The following PLXNB2 variants were observed in gnomAD, a reference collection of about 807,000 sequenced individuals.
PLXNB2 encodes plexin-B2.
PLXNB2 carries 85 observed loss-of-function variants against 202.6 expected under a neutral mutation model. The ratio of observed to expected loss-of-function variants is 0.42; its 90% CI spans 0.35 to 0.50. PLXNB2 has a LOEUF of 0.50. Ranked by LOEUF, PLXNB2 falls within the 20% of genes least tolerant of loss-of-function variation. The probability of loss-of-function intolerance (pLI) is 0.02; values close to 1 mark genes in which losing one functional copy is unlikely to be tolerated. For missense variants in PLXNB2, 2,063 were observed against 2,586.2 expected (o/e 0.80, Z 4.39); for synonymous variants, 1,239 against 1,137.6 (o/e 1.09, Z -1.79).
rs2066253127 is a variant in PLXNB2, at chr22:50,284,267, G to A, written c.2182-54C>T. On this transcript the variant is annotated intron_variant, in intron 12 of 36. Transcript: ENST00000359337. The surrounding 1 kb of genome is among the most constrained non-coding windows in gnomAD (Gnocchi z 8.0). Reference sequence around the variant, plus strand: ...TTCCTGCCCCCACAGAGGGGCGTGGGGCGGGGGTCACAAGGGCAGCCTCCC... The same window carrying A: ...TTCCTGCCCCCACAGAGGGGCGTGGAGCGGGGGTCACAAGGGCAGCCTCCC... The A allele has an allele frequency of 1.3e-6, 2 of 1,523,548 alleles. No homozygotes were observed. Among genetic ancestry groups the A allele is most frequent in the East Asian group, 2.3e-5 (1 of 44,442 alleles). The allele number at this position is 1,523,548 out of a possible 1,614,324, so 94.4% of individuals were successfully genotyped here. A position where few individuals can be genotyped will look rare whatever the true frequency, so the allele number is the denominator to read the frequency against.
At position 50,307,249 on chromosome 22, in the gene PLXNB2, C is replaced by A. The variant is rs931848740; in HGVS notation, c.-74+304G>T. ...TCTCCGCTCGGCGCACGGAGCTCGG[C>A]GGCTGAAGAGTGAGAGGCAGGCGCG... On this transcript the variant is annotated intron_variant, in intron 1 of 36. Coordinates refer to ENST00000359337, the MANE Select transcript of PLXNB2 (RefSeq NM_012401.4). Among the ~76,000 whole-genome samples, 46 of 152,150 alleles carry A rather than the reference C, an allele frequency of 3.0e-4. 1 individual carries two copies. Among genetic ancestry groups the A allele is most frequent in the African/African-American group, 1.1e-3 (45 of 41,546 alleles).
Position 50,307,641 on chromosome 22 carries a change from T to G in PLXNB2, c.-162A>C. ...CGCTGCTGCCATGGAGACGGGGCCTTTGTGTGGCCGAGGAGGGGCCGGAGC... is the reference window on the plus strand; with the variant it reads ...CGCTGCTGCCATGGAGACGGGGCCTGTGTGTGGCCGAGGAGGGGCCGGAGC... On this transcript the variant is annotated 5_prime_UTR_variant, in exon 1 of 37. Transcript: ENST00000359337. The G allele has an allele frequency of 1.0e-6, 1 of 979,378 alleles. No individual in the cohort carries two copies. The highest frequency in any genetic ancestry group is 1.2e-6 in the Non-Finnish European group (1 of 827,570). 60.7% of individuals were successfully genotyped at this position (979,378 alleles called of 1,614,324 possible).
At chr22:50,304,596 G>A (rs548948287) in intron 1 of PLXNB2, among the ~76,000 whole-genome samples, 4 of 152,186 alleles carry the variant, frequency 2.6e-5, no homozygotes, top group African/African-American at 7.2e-5. Context: ...GAGGAACCTC[G>A]ACCAGAAAGA....
Position 50,283,845 on chromosome 22 carries a change from GGGC to G in PLXNB2, c.2406_2408del (p.Pro803del). On this transcript the variant is annotated inframe_deletion, in exon 14 of 37. Transcript: ENST00000359337. Reference sequence around the variant, plus strand: ...TCGAGGGGCTCACCCTGGTGATGACGGGCGGCGGGCACTCGGAGGTGGTGTTGC... The same window carrying G: ...TCGAGGGGCTCACCCTGGTGATGACGGGCGGGCACTCGGAGGTGGTGTTGC... 6.2e-7 allele frequency: 1 copy of G among 1,609,286 alleles called. No individual in the cohort carries two copies. Among genetic ancestry groups the G allele is most frequent in the Middle Eastern group, 1.7e-4 (1 of 6,034 alleles).
rs765072227 is a variant in PLXNB2 at position 50,275,483 on chromosome 22, AGCTGGG to A, written c.*215_*220del. On this transcript the variant is annotated 3_prime_UTR_variant, in exon 37 of 37. Transcript: ENST00000359337. ...CGATGCTGGTTCTGCGGCCGGAGGG[AGCTGGG>A]GCTGGGGCTGGTGCTGGTGCGGTGC... 3.0e-6 allele frequency: 2 copies of A among 665,182 alleles called. No individual in the cohort carries two copies. Among genetic ancestry groups the A allele is most frequent in the Non-Finnish European group, 5.5e-6 (2 of 360,554 alleles). The allele number at this position is 665,182 out of a possible 1,614,324, so 41.2% of individuals were successfully genotyped here.
intron 15 of PLXNB2, 43 bp from the exon 16 acceptor site, chr22:50,283,488 AC>A: frequency 1.3e-6 from 1 of 764,618 alleles, no homozygotes. Flanking sequence ...TCCCCGACCC[AC>A]CCCACACCCT....
At chr22:50,281,230 G>A in intron 22 of PLXNB2, 41 bp from the exon 23 acceptor site, 3 of 1,583,644 alleles carry the variant, frequency 1.9e-6, no homozygotes, top group Non-Finnish European at 2.6e-6. Context: ...GCCGGGGCTG[G>A]CCGCTCAGCT....
At position 50,289,386 on chromosome 22, in the gene PLXNB2, C is replaced by G. The variant is rs903941973; in HGVS notation, c.1068+131G>C. On this transcript the variant is annotated intron_variant, in intron 3 of 36. Transcript: ENST00000359337. The surrounding 1 kb of genome is among the most constrained non-coding windows in gnomAD (Gnocchi z 8.0). ...CATTGAGAGATGCGGCACCCACCCA[C>G]GCAAGCGCCCAGGCTGGCGAGAGCC... is the stretch of plus-strand genomic sequence containing the variant. 2 of 1,227,736 alleles carry G rather than the reference C, an allele frequency of 1.6e-6. No individual in the cohort carries two copies. Among genetic ancestry groups the G allele is most frequent in the South Asian group, 1.6e-5 (1 of 64,334 alleles). The allele number at this position is 1,227,736 out of a possible 1,614,324, so 76.1% of individuals were successfully genotyped here. A position where few individuals can be genotyped will look rare whatever the true frequency, so the allele number is the denominator to read the frequency against.
At position 50,283,764 on chromosome 22, in the gene PLXNB2, G is replaced by A. The variant is rs1454135729; in HGVS notation, c.2422-14C>T. 2.5e-6 allele frequency: 4 copies of A among 1,613,124 alleles called. No individual in the cohort carries two copies. The highest frequency in any genetic ancestry group is 3.4e-6 in the Non-Finnish European group (4 of 1,179,882). On this transcript the variant is annotated splice_polypyrimidine_tract_variant and intron_variant, in intron 14 of 36. Transcript: ENST00000359337. ...CTCAGGCTGGATCTGAAACCACAGAGCCGGGTGAGCAGGGAGGGGCTCATG... is the reference window on the plus strand; with the variant it reads ...CTCAGGCTGGATCTGAAACCACAGAACCGGGTGAGCAGGGAGGGGCTCATG...
chr22:50,280,094 T>C, intron 25 of PLXNB2, 23 bp from the exon 26 acceptor site: 1 of 1,572,576 alleles, frequency 6.4e-7, no homozygotes, highest in Non-Finnish European at 8.6e-7. Context: ...GGAGGCCTTG[T>C]ACCGAGTGAC....
At position 50,289,475 on chromosome 22, in the gene PLXNB2, G is replaced by T; in HGVS notation, c.1068+42C>A. On this transcript the variant is annotated intron_variant, in intron 3 of 36. Transcript: ENST00000359337. This position sits in a 1 kb window ranked among gnomAD's most constrained non-coding sequence, Gnocchi z 8.0. ...GGGACACGCAAACCCACGAACGGAC[G>T]CCTGCAGTCCGGGCCCTGCGAGAAC... 1 of 1,539,068 alleles carries T rather than the reference G, an allele frequency of 6.5e-7. No individual in the cohort carries two copies.
Position 50,289,555 on chromosome 22 carries a change from G to A in PLXNB2, c.1030C>T (p.Pro344Ser), listed in dbSNP as rs559951398. The A allele has an allele frequency of 8.1e-6, 13 of 1,611,940 alleles. No individual in the cohort carries two copies. The Admixed American group carries it at 1.8e-4, about 23-fold the overall frequency. The change falls in exon 3 of 37, where the codon CCC (proline) becomes TCC (serine). Residue 344 changes from proline to serine, a missense_variant. Pro to Ser is a moderately conservative substitution (Grantham distance 74). Coordinates refer to ENST00000359337, the MANE Select transcript of PLXNB2 (RefSeq NM_012401.4). The surrounding 1 kb of genome is among the most constrained non-coding windows in gnomAD (Gnocchi z 8.0). ...CCGCACTGGATATCGCCGTGGAAGG[G>A]CTTGTAGAAGATGTCACGGGCCTCC... Reference protein sequence around the residue: ...TREARDIFYKPFHGDIQCGGH... With the variant: ...TREARDIFYKSFHGDIQCGGH...
Position 50,283,091 on chromosome 22 carries a change from C to T in PLXNB2, c.2775G>A (p.Gln925=). ...CGTTGAGGGTCACCCGCACGTCCTC[C>T]TGGGAGCCCGTGTCCAGGTGGGTGC... is the stretch of plus-strand genomic sequence containing the variant. The part of the protein sequence containing the change: ...IHGTHLDTGS[Q]EDVRVTLNGV... Residue 925 remains glutamine, a synonymous_variant, in exon 17 of 37, where the codon CAG becomes CAA. Transcript: ENST00000359337. 6.2e-7 allele frequency: 1 copy of T among 1,608,220 alleles called. No individual in the cohort carries two copies.
At chr22:50,283,019 A>T (rs1316034887) in intron 17 of PLXNB2, 31 bp downstream of exon 17, 1 of 1,593,782 alleles carries the variant, frequency 6.3e-7, no homozygotes, top group African/African-American at 1.3e-5. Context: ...GCCAGGGCCA[A>T]CCAGACTCAG....
rs1226819238 is a variant in PLXNB2, at chr22:50,275,451, G to A, written c.*253C>T. 2 of 626,862 alleles carry A rather than the reference G, an allele frequency of 3.2e-6. No individual in the cohort carries two copies. Among genetic ancestry groups the A allele is most frequent in the Admixed American group, 2.1e-5 (1 of 47,252 alleles). The allele number at this position is 626,862 out of a possible 1,614,324, so 38.8% of individuals were successfully genotyped here. ...TTCAAATCACTGGAGACTCGACAGT[G>A]AACACCCGATGCTGGTTCTGCGGCC... is the stretch of plus-strand genomic sequence containing the variant. On this transcript the variant is annotated 3_prime_UTR_variant, in exon 37 of 37. Transcript: ENST00000359337.
At position 50,275,706 on chromosome 22, in the gene PLXNB2, A is replaced by C; in HGVS notation, c.5515T>G (p.Ter1839GlyextTer29). The C allele has an allele frequency of 6.3e-7, 1 of 1,591,710 alleles. No individual in the cohort carries two copies. The highest frequency in any genetic ancestry group is 8.6e-7 in the Non-Finnish European group (1 of 1,164,886). ...AALENKVTDL* is the reference protein window; with the variant it reads ...AALENKVTDLG ...AAGGCAGCACTGGAGATTGTAGGTC[A>C]GAGGTCAGTGACCTTGTTCTCCAGT... Residue 1839 changes from the stop codon to glycine, a stop_lost, in exon 37 of 37, where the codon TGA becomes GGA. Coordinates refer to ENST00000359337, the MANE Select transcript of PLXNB2 (RefSeq NM_012401.4).
chr22:50,278,067 G>T (rs764618769), intron 31 of PLXNB2, 50 bp downstream of exon 31: 5 of 1,586,462 alleles, frequency 3.2e-6, no homozygotes, highest in Non-Finnish European at 3.4e-6. Flanking sequence ...CTGGGGGGGA[G>T]GGTCTCAGCG....
intron 1 of PLXNB2, among the ~76,000 whole-genome samples, chr22:50,295,300 T>C (rs1420697453): frequency 7.2e-6 from 1 of 138,836 alleles, no homozygotes; most frequent in Non-Finnish European, 1.6e-5. Flanking sequence ...CAGCCTGACT[T>C]CGTCTCAAAA....
intron 33 of PLXNB2, among the ~76,000 whole-genome samples, chr22:50,277,236 G>A (rs564910052): frequency 2.0e-5 from 3 of 152,128 alleles, no homozygotes; most frequent in South Asian, 2.1e-4. Flanking sequence ...AGAAGGCGGA[G>A]GTTGCAGTGA....
Sources: gnomAD v4.1 joint callset for allele counts (sites outside exome capture counted in the v4.1 genomes callset) on GRCh38, gnomAD v4.1.1 for gene constraint, Gnocchi (gnomAD v3.1) non-coding constraint, MANE v1.5 for transcripts, NCBI Gene and HGNC (gene_info 2026-07-23, HGNC 2026-07-21) for gene names.